Variants in RAB11FIP1 observed in about 807,000 individuals in gnomAD.
RAB11FIP1 encodes RAB11 family interacting protein 1, also known as rab11 family-interacting protein 1.
RAB11FIP1 carries 49 observed loss-of-function variants against 83.1 expected under a neutral mutation model. The ratio of observed to expected loss-of-function variants is 0.59; its 90% CI spans 0.47 to 0.75. RAB11FIP1 has a LOEUF of 0.75. RAB11FIP1 is among the 30% of genes least tolerant of loss of function. The probability of loss-of-function intolerance (pLI) is 0.00; values close to 1 mark genes in which losing one functional copy is unlikely to be tolerated. For synonymous variants in RAB11FIP1, 670 were observed against 656.0 expected (o/e 1.02, Z -0.33); for missense variants, 1,536 against 1,598.7 (o/e 0.96, Z 0.67).
chr8:37,874,708 A>G lies in RAB11FIP1; in HGVS notation c.1429T>C (p.Ser477Pro). 6.2e-7 allele frequency: 1 copy of G among 1,613,958 alleles called. No homozygotes were observed. The highest frequency in any genetic ancestry group is 8.5e-7 in the Non-Finnish European group (1 of 1,180,002). Residue 477 changes from serine (S) to proline (P), a missense_variant, in exon 3 of 6, where the codon TCG becomes CCG. Physicochemically the swap from Ser to Pro is moderately conservative, Grantham distance 74. Transcript: ENST00000330843. ...CTCACAAGGTCTTCAGCAGGCCCCG[A>G]TGCGTCCTCCCCCGGCTTAACCCCC... is the stretch of plus-strand genomic sequence containing the variant. The part of the protein sequence containing the change: ...LMGVKPGEDA[S>P]GPAEDLVRRS...
intron 5 of RAB11FIP1, among the ~76,000 whole-genome samples, chr8:37,864,580 C>G (rs1367391033): frequency 6.6e-6 from 1 of 152,094 alleles, no homozygotes; most frequent in Admixed American, 6.5e-5. Context: ...TGCCTGGACA[C>G]GAGCCAGAAG....
At chr8:37,869,028 G>A (rs867113125) in intron 5 of RAB11FIP1, among the ~76,000 whole-genome samples, 1 of 152,006 alleles carries the variant, frequency 6.6e-6, no homozygotes, top group Non-Finnish European at 1.5e-5. Context: ...AGGAGTTCAA[G>A]ACCAGCCTGA....
intron 1 of RAB11FIP1, among the ~76,000 whole-genome samples, chr8:37,898,308 C>T (rs1014890606): frequency 1.2e-4 from 18 of 150,758 alleles, no homozygotes; most frequent in Non-Finnish European, 1.9e-4. Flanking sequence ...GTCAGAAATT[C>T]GAGACCAGCC....
In RAB11FIP1 at chr8:37,861,491, T is replaced by C. The variant is rs1242588506; in HGVS notation, c.*1404A>G. 4.8e-6 allele frequency: 2 copies of C among 418,988 alleles called. No individual in the cohort carries two copies. The highest frequency in any genetic ancestry group is 4.6e-6 in the Non-Finnish European group (1 of 217,822). 26.0% of individuals were successfully genotyped at this position (418,988 alleles called of 1,614,324 possible). ...GGACAGACATGCAGATGCAGTTCAATCCCTTTGGGGTCCAATCCATGGTCT... is the reference window on the plus strand; with the variant it reads ...GGACAGACATGCAGATGCAGTTCAACCCCTTTGGGGTCCAATCCATGGTCT... On this transcript the variant is annotated 3_prime_UTR_variant, in exon 6 of 6. Coordinates refer to ENST00000330843, the MANE Select transcript of RAB11FIP1 (RefSeq NM_001002814.3).
chr8:37,885,056 G>A (rs1387486847), intron 1 of RAB11FIP1, among the ~76,000 whole-genome samples: 1 of 149,318 alleles, frequency 6.7e-6, no homozygotes, highest in Non-Finnish European at 1.5e-5. Flanking sequence ...GTGCAGTGGC[G>A]TGATCTCGGC....
chr8:37,867,596 A>G (rs1806366301), intron 5 of RAB11FIP1, among the ~76,000 whole-genome samples: 1 of 152,100 alleles, frequency 6.6e-6, no homozygotes, highest in South Asian at 2.1e-4. Context: ...AATCCCAGCT[A>G]CCTGGGAGGC....
chr8:37,870,207 A>G (rs1463163457), intron 5 of RAB11FIP1, among the ~76,000 whole-genome samples: 3 of 152,194 alleles, frequency 2.0e-5, no homozygotes, highest in Non-Finnish European at 4.4e-5. Context: ...GAGACAAAAA[A>G]AAAAAATTAA....
At chr8:37,874,079 C>T (rs1806547787) in intron 3 of RAB11FIP1, among the ~76,000 whole-genome samples, 1 of 152,184 alleles carries the variant, frequency 6.6e-6, no homozygotes, top group African/African-American at 2.4e-5. Context: ...TGAGAGAGGA[C>T]CGAGGGTCTC....
intron 1 of RAB11FIP1, among the ~76,000 whole-genome samples, chr8:37,898,651 C>CAA (rs746280491): frequency 0.011 from 1,035 of 91,422 alleles, 21 homozygotes; most frequent in African/African-American, 0.041. Flanking sequence ...GACTCAGTCT[C>CAA]AAAAAAAAAA....
intron 1 of RAB11FIP1, among the ~76,000 whole-genome samples, chr8:37,885,991 C>T (rs985895609): frequency 4.3e-4 from 65 of 152,208 alleles, no homozygotes; most frequent in African/African-American, 1.5e-3. Context: ...TTCACGATTA[C>T]GCTGGTAAAG....
intron 5 of RAB11FIP1, among the ~76,000 whole-genome samples, chr8:37,865,027 C>A (rs1806315262): frequency 6.6e-6 from 1 of 151,722 alleles, no homozygotes; most frequent in South Asian, 2.1e-4. Flanking sequence ...CCTTGGCCTC[C>A]CAAAATGCTG....
At chr8:37,882,663 A>G (rs1423381401) in intron 1 of RAB11FIP1, among the ~76,000 whole-genome samples, 1 of 152,164 alleles carries the variant, frequency 6.6e-6, no homozygotes, top group African/African-American at 2.4e-5. Context: ...TGCACTGCAG[A>G]CTTGCCCTGA....
At chr8:37,890,524 T>C (rs1401057562) in intron 1 of RAB11FIP1, among the ~76,000 whole-genome samples, 3 of 152,198 alleles carry the variant, frequency 2.0e-5, no homozygotes, top group Non-Finnish European at 4.4e-5. Flanking sequence ...GATTTTCCTC[T>C]AACAGATTAT....
At chr8:37,865,695 T>G (rs972198908) in intron 5 of RAB11FIP1, among the ~76,000 whole-genome samples, 1 of 152,240 alleles carries the variant, frequency 6.6e-6, no homozygotes, top group Non-Finnish European at 1.5e-5. Context: ...TTTTACTATT[T>G]AATAAGCATT....
At chr8:37,865,654 C>T (rs1806328215) in intron 5 of RAB11FIP1, among the ~76,000 whole-genome samples, 1 of 152,150 alleles carries the variant, frequency 6.6e-6, no homozygotes, top group Non-Finnish European at 1.5e-5. Flanking sequence ...TTTATAATGT[C>T]AGCCTCATAC....
At position 37,874,764 on chromosome 8, in the gene RAB11FIP1, A is replaced by G; in HGVS notation, c.1373T>C (p.Val458Ala). The change falls in exon 3 of 6, where the codon GTC becomes GCC. Residue 458 changes from valine (V) to alanine (A), a missense_variant. Coordinates refer to ENST00000330843, the MANE Select transcript of RAB11FIP1 (RefSeq NM_001002814.3). ...KGSEGENPLT[V>A]PGREKEGMLM... ...CATGCCTTCCTTCTCCCTCCCTGGG[A>G]CCGTGAGAGGGTTTTCACCTTCACT... 1 of 1,614,040 alleles carries G rather than the reference A, an allele frequency of 6.2e-7. No homozygotes were observed. The highest frequency in any genetic ancestry group is 2.2e-5 in the East Asian group (1 of 44,874).
chr8:37,883,189 GTGTT>G (rs1482146618), intron 1 of RAB11FIP1, among the ~76,000 whole-genome samples: 54 of 150,980 alleles, frequency 3.6e-4, no homozygotes, highest in African/African-American at 1.1e-3. Flanking sequence ...TTTTTTCTTG[GTGTT>G]TGTTTGTTTG....
rs1161395938 is a variant in RAB11FIP1 at position 37,865,829 on chromosome 8, A to T, written c.3634-2716T>A. ...TTTTCAATTTGTACAATTATATATA[A>T]CATTTTTATCAAAATGCACGAACAT... On this transcript the variant is annotated intron_variant, in intron 5 of 5. Coordinates refer to ENST00000330843, the MANE Select transcript of RAB11FIP1 (RefSeq NM_001002814.3). Among the ~76,000 whole-genome samples the T allele has an allele frequency of 2.0e-5, 3 of 152,154 alleles. No individual in the cohort carries two copies. In the East Asian group the frequency reaches 5.8e-4, roughly 29 times the overall value.
At position 37,877,520 on chromosome 8, in the gene RAB11FIP1, T is replaced by C. The variant is rs770143899; in HGVS notation, c.403A>G (p.Lys135Glu). 5.6e-6 allele frequency: 9 copies of C among 1,609,566 alleles called. No homozygotes were observed. The highest frequency in any genetic ancestry group is 5.9e-6 in the Non-Finnish European group (7 of 1,179,766). ...TCAATTTCTCCTCGCTCCTTGTCCT[T>C]CTTTCCTGGTTTGGATTTCAACTTA... ...WYKLKSKPGK[K>E]DKERGEIEVD... The change falls in exon 2 of 6, where the codon AAG becomes GAG. Residue 135 changes from lysine (K) to glutamate (E), a missense_variant. Coordinates refer to ENST00000330843, the MANE Select transcript of RAB11FIP1 (RefSeq NM_001002814.3).
Sources: allele counts gnomAD v4.1 joint callset (sites outside exome capture counted in the v4.1 genomes callset), GRCh38; gene constraint gnomAD v4.1.1; transcripts MANE v1.5; gene names NCBI Gene and HGNC (gene_info 2026-07-23, HGNC 2026-07-21).